The following ZNF571 variants were observed in gnomAD, a reference collection of about 807,000 sequenced individuals.
ZNF571 encodes zinc finger protein 571.
A neutral mutation model predicts 7.7 loss-of-function variants in ZNF571; 4 were observed. That is an observed-to-expected ratio of 0.52 (90% confidence interval 0.25 to 1.18). ZNF571 has a LOEUF of 1.18. Ranked by LOEUF, ZNF571 falls within the 50% of genes most tolerant of loss-of-function variation. The pLI is 0.14. For missense variants in ZNF571, 704 were observed against 726.9 expected (o/e 0.97, Z 0.36); for synonymous variants, 251 against 232.4 (o/e 1.08, Z -0.73).
intron 3 of ZNF571, among the ~76,000 whole-genome samples, chr19:37,579,882 G>T (rs2147187652): frequency 6.6e-6 from 1 of 152,100 alleles, no homozygotes; most frequent in East Asian, 1.9e-4. Flanking sequence ...CATTTATTCT[G>T]ATATTTTTGT....
intron 3 of ZNF571, chr19:37,567,875 G>C (rs2042916004): frequency 6.6e-6 from 1 of 152,096 alleles, no homozygotes; most frequent in South Asian, 2.1e-4. Flanking sequence ...GAAAATGCCT[G>C]TTTTATTATA....
Position 37,564,638 on chromosome 19 carries a change from C to T in ZNF571, c.1790G>A (p.Cys597Tyr). ...TCVQCGKDFR[C>Y]PSQLTQHTRL... ...TGTATGTTGAGTAAGTTGTGAAGGA[C>T]ATCTAAAGTCTTTACCACACTGGAC... Residue 597 changes from cysteine (C) to tyrosine (Y), a missense_variant, in exon 4 of 4, where the codon TGT becomes TAT. Coordinates refer to ENST00000451802, the MANE Select transcript of ZNF571 (RefSeq NM_016536.5). 1.3e-6 allele frequency: 2 copies of T among 1,576,960 alleles called. No homozygotes were observed. The highest frequency in any genetic ancestry group is 1.7e-6 in the Non-Finnish European group (2 of 1,161,872).
At chr19:37,579,681 TA>T (rs2043379201) in intron 3 of ZNF571, among the ~76,000 whole-genome samples, 1 of 152,224 alleles carries the variant, frequency 6.6e-6, no homozygotes, top group African/African-American at 2.4e-5. Context: ...TCAGAGCTAC[TA>T]ATTTTAATTT....
chr19:37,564,442 G>C lies in ZNF571; in HGVS notation c.*156C>G. ...TTCTAGCGTTTATAGAGATGTTAAG[G>C]AATTATTTAAGGGGTTTCTGAAATT... is the stretch of plus-strand genomic sequence containing the variant. On this transcript the variant is annotated 3_prime_UTR_variant, in exon 4 of 4. Transcript: ENST00000451802. 1 of 538,156 alleles carries C rather than the reference G, an allele frequency of 1.9e-6. No homozygotes were observed. The highest frequency in any genetic ancestry group is 3.0e-6 in the Non-Finnish European group (1 of 333,958). The allele number at this position is 538,156 out of a possible 1,614,324, so 33.3% of individuals were successfully genotyped here. A position where few individuals can be genotyped will look rare whatever the true frequency, so the allele number is the denominator to read the frequency against.
chr19:37,584,250 T>C (rs1011791808), intron 2 of ZNF571, 153 bp from the exon 3 acceptor site: 7 of 923,368 alleles, frequency 7.6e-6, no homozygotes, highest in Non-Finnish European at 9.6e-6. Context: ...TTCTCTATCA[T>C]TCCTATTGCC....
At position 37,564,830 on chromosome 19, in the gene ZNF571, T is replaced by C. The variant is rs889368562; in HGVS notation, c.1598A>G (p.Lys533Arg). ...IHRGEKPYEC[K>R]QCGKAFIRGS... ...ACGAATAAAAGCCTTCCCACACTGT[T>C]TACATTCATAAGGTTTTTCACCTCT... The change falls in exon 4 of 4, where the codon AAA becomes AGA. Residue 533 changes from lysine to arginine, a missense_variant. By Grantham distance (26) the Lys-to-Arg change is conservative (BLOSUM62 2). Transcript: ENST00000451802. 3 of 1,614,026 alleles carry C rather than the reference T, an allele frequency of 1.9e-6. No homozygotes were observed. The highest frequency in any genetic ancestry group is 1.3e-5 in the African/African-American group (1 of 75,032).
chr19:37,583,938 A>G (rs1365336854), intron 3 of ZNF571, 33 bp downstream of exon 3: 2 of 1,560,084 alleles, frequency 1.3e-6, no homozygotes. Context: ...ATTATGGGGA[A>G]CAAATTCTGA....
At chr19:37,581,087 C>T (rs557893678) in intron 3 of ZNF571, among the ~76,000 whole-genome samples, 1 of 152,038 alleles carries the variant, frequency 6.6e-6, no homozygotes, top group African/African-American at 2.4e-5. Flanking sequence ...TCTTAAAATC[C>T]ATCACCAAAG....
chr19:37,589,821 C>T (rs1164338899), intron 1 of ZNF571, among the ~76,000 whole-genome samples: 3 of 125,298 alleles, frequency 2.4e-5, no homozygotes, highest in African/African-American at 6.0e-5. Context: ...GCCAAGATCG[C>T]GCCACTGCAC....
rs745898803 is a variant in ZNF571 at position 37,566,201 on chromosome 19, CG to C, written c.226del (p.Arg76ValfsTer21). 16 of 1,613,804 alleles carry C rather than the reference CG, an allele frequency of 9.9e-6. No homozygotes were observed. The African/African-American group carries it at 2.1e-4, about 22-fold the overall frequency. ...ATTGTATTGAAGGTGATGGTTGATA[CG>C]TTTCCCCATATTCTCCCACTGGAGT... Reference protein sequence around the residue: ...ESLQWENMGKRINHHLQYNGL... With the variant: ...ESLQWENMGKXINHHLQYNGL... On this transcript the variant is annotated frameshift_variant, in exon 4 of 4. Transcript: ENST00000451802. LOFTEE classifies it low-confidence loss of function (END_TRUNC).
At chr19:37,586,638 A>T in intron 2 of ZNF571, 30 bp downstream of exon 2, 1 of 1,613,460 alleles carries the variant, frequency 6.2e-7, no homozygotes, top group Non-Finnish European at 8.5e-7. Flanking sequence ...AAATGATTGT[A>T]CTTCAAGAAG....
Position 37,565,091 on chromosome 19 carries a change from G to C in ZNF571, c.1337C>G (p.Pro446Arg), listed in dbSNP as rs564068756. 8.7e-6 allele frequency: 14 copies of C among 1,613,092 alleles called. No homozygotes were observed. In the East Asian group the frequency reaches 2.9e-4, roughly 33 times the overall value. The change falls in exon 4 of 4, where the codon CCC (proline) becomes CGC (arginine). Residue 446 changes from proline to arginine, a missense_variant. Pro to Arg is a moderately radical substitution (Grantham distance 103, BLOSUM62 -2). Transcript: ENST00000451802. ...EHQRIHTGEKPFECKECGKAF... is the reference protein window; with the variant it reads ...EHQRIHTGEKRFECKECGKAF... ...CTTTCCACATTCCTTACATTCAAAG[G>C]GTTTCTCACCTGTATGAATTCTCTG...
rs565215148 is a variant in ZNF571, at chr19:37,567,604, C to A, written c.137-1313G>T. ...TTAAGTTCCAAGAACATGTCAAATT[C>A]TTTCCCATTTTAGATTTTCCATATG... is the stretch of plus-strand genomic sequence containing the variant. On this transcript the variant is annotated intron_variant, in intron 3 of 3. Transcript: ENST00000451802. The A allele has an allele frequency of 4.6e-5, 7 of 152,286 alleles. No homozygotes were observed. The South Asian group carries it at 8.3e-4, about 18-fold the overall frequency. 9.4% of individuals were successfully genotyped at this position (152,286 alleles called of 1,614,324 possible).
Position 37,593,758 on chromosome 19 carries a change from T to A in ZNF571, c.-70+983A>T, listed in dbSNP as rs2061779. Among the ~76,000 whole-genome samples, 1,019 of 151,838 alleles carry A rather than the reference T, an allele frequency of 6.7e-3. 31 individuals carry two copies. The highest frequency in any genetic ancestry group is 0.05 in the East Asian group (257 of 5,146). The stretch of plus-strand genomic sequence containing the variant: ...AGACCAGAAAGGACTGCTGTATCAT[T>A]GGGTGGAAAGGAGAGGTGTAGTGTG... On this transcript the variant is annotated intron_variant, in intron 1 of 3. Transcript: ENST00000451802.
intron 2 of ZNF571, 65 bp downstream of exon 2, chr19:37,586,603 A>C (rs185662778): frequency 2.5e-4 from 404 of 1,590,412 alleles, no homozygotes; most frequent in Admixed American, 1.1e-3. Flanking sequence ...TTCTGGGATA[A>C]ATCTGGTGTT....
chr19:37,564,770 G>A lies in ZNF571; in HGVS notation c.1658C>T (p.Thr553Ile), dbSNP rs371620240. ...SHLTEHLRTH[T>I]GEKPYECKEC... ...CTTACATTCATAGGGTTTCTCTCCA[G>A]TATGAGTTCTCAGATGTTCAGTAAG... The change falls in exon 4 of 4, where the codon ACT (threonine) becomes ATT (isoleucine). Residue 553 changes from threonine (T) to isoleucine (I), a missense_variant. Coordinates refer to ENST00000451802, the MANE Select transcript of ZNF571 (RefSeq NM_016536.5). The A allele has an allele frequency of 1.2e-6, 2 of 1,613,660 alleles. No homozygotes were observed. The highest frequency in any genetic ancestry group is 1.7e-6 in the Non-Finnish European group (2 of 1,179,902).
chr19:37,578,904 C>G (rs1378520922), intron 3 of ZNF571, among the ~76,000 whole-genome samples: 3 of 152,200 alleles, frequency 2.0e-5, no homozygotes, highest in Non-Finnish European at 2.9e-5. Context: ...CACTTGGCAC[C>G]TCTGTATGCC....
chr19:37,572,543 A>ATATGG (rs2043099585), intron 3 of ZNF571, among the ~76,000 whole-genome samples: 5 of 152,298 alleles, frequency 3.3e-5, no homozygotes, highest in Admixed American at 1.3e-4. Context: ...CACATAATAT[A>ATATGG]TATGGCTCAG....
chr19:37,590,927 TCAAA>T (rs947594603), intron 1 of ZNF571, among the ~76,000 whole-genome samples: 11 of 152,358 alleles, frequency 7.2e-5, no homozygotes, highest in South Asian at 4.1e-4. Context: ...ACTGTTGTTT[TCAAA>T]CAATTATATT....
Sources: allele counts gnomAD v4.1 joint callset (sites outside exome capture counted in the v4.1 genomes callset), GRCh38; gene constraint gnomAD v4.1.1; transcripts MANE v1.5; gene names NCBI Gene and HGNC (gene_info 2026-07-23, HGNC 2026-07-21).